Variants in SMAD4 observed in about 807,000 individuals in gnomAD.
The protein encoded by SMAD4 is SMAD family member 4, also known as MAD homolog 4.
A neutral mutation model predicts 63.2 loss-of-function variants in SMAD4; 7 were observed. That is an observed-to-expected ratio of 0.11 (90% CI 0.06 to 0.21). The LOEUF (loss-of-function observed/expected upper bound fraction) is 0.21, where lower values mean the gene tolerates loss of function less well. SMAD4 is among the 10% of genes least tolerant of loss of function. SMAD4 has a pLI of 1.00. For synonymous variants in SMAD4, 215 were observed against 235.4 expected (o/e 0.91, Z 0.79); for missense variants, 312 against 693.8 (o/e 0.45, Z 6.18).
rs369088915 is a variant in SMAD4 at position 51,059,888 on chromosome 18, A to C, written c.927A>C (p.Ala309=). The part of the protein sequence containing the change: ...GHYWPVHNEL[A]FQPPISNHPA... ...TAGGGCCTGTTCACAATGAGCTTGC[A>C]TTCCAGCCTCCCATTTCCAATCATC... The change falls in exon 8 of 12, where the codon GCA becomes GCC. Residue 309 remains alanine, a synonymous_variant. Coordinates refer to ENST00000342988, the MANE Select transcript of SMAD4 (RefSeq NM_005359.6). 6.2e-7 allele frequency: 1 copy of C among 1,613,370 alleles called. No individual in the cohort carries two copies. The highest frequency in any genetic ancestry group is 8.5e-7 in the Non-Finnish European group (1 of 1,179,420).
Position 51,082,716 on chromosome 18 carries a change from T to A in SMAD4, c.*4249T>A. On this transcript the variant is annotated 3_prime_UTR_variant, in exon 12 of 12. Transcript: ENST00000342988. ...TTTACTAAATGGTCTGAGACAGCTA[T>A]GGTTTTGAATTTTTAGTTTTTTTTT... 1 of 231,638 alleles carries A rather than the reference T, an allele frequency of 4.3e-6. No homozygotes were observed. Among genetic ancestry groups the A allele is most frequent in the East Asian group, 6.1e-5 (1 of 16,378 alleles). The allele number at this position is 231,638 out of a possible 1,614,324, so 14.3% of individuals were successfully genotyped here. A position where few individuals can be genotyped will look rare whatever the true frequency, so the allele number is the denominator to read the frequency against.
intron 1 of SMAD4, among the ~76,000 whole-genome samples, chr18:51,031,750 AT>A (rs1909057715): frequency 6.6e-6 from 1 of 151,874 alleles, no homozygotes; most frequent in South Asian, 2.1e-4. Flanking sequence ...AAAAAAAAAA[AT>A]GCGTAATTTC....
intron 7 of SMAD4, among the ~76,000 whole-genome samples, chr18:51,059,429 A>G (rs1909944613): frequency 6.6e-6 from 1 of 152,246 alleles, no homozygotes; most frequent in Non-Finnish European, 1.5e-5. Flanking sequence ...ACAGTGTTTT[A>G]ACACATTACC....
intron 1 of SMAD4, among the ~76,000 whole-genome samples, chr18:51,037,616 T>G (rs762412476): frequency 2.8e-4 from 42 of 152,232 alleles, no homozygotes; most frequent in Non-Finnish European, 4.8e-4. Flanking sequence ...TTTTTAATAG[T>G]GTGATTAAAT....
Position 51,083,215 on chromosome 18 carries a change from C to T in SMAD4, c.*4748C>T, listed in dbSNP as rs375580807. Reference sequence around the variant, plus strand: ...CCGTTGTCTGGAGGACACCAGCAAACAACACACAACAAAGCAAAACAAACC... The same window carrying T: ...CCGTTGTCTGGAGGACACCAGCAAATAACACACAACAAAGCAAAACAAACC... On this transcript the variant is annotated 3_prime_UTR_variant, in exon 12 of 12. Transcript: ENST00000342988. 1.2e-3 allele frequency: 284 copies of T among 227,244 alleles called. 1 individual carries two copies. Among genetic ancestry groups the T allele is most frequent in the African/African-American group, 6.1e-3 (274 of 45,140 alleles). The allele number at this position is 227,244 out of a possible 1,614,324, so 14.1% of individuals were successfully genotyped here.
At chr18:51,056,448 GT>G (rs1909845901) in intron 5 of SMAD4, among the ~76,000 whole-genome samples, 1 of 151,886 alleles carries the variant, frequency 6.6e-6, no homozygotes, top group Non-Finnish European at 1.5e-5. Context: ...AATACTGTAA[GT>G]TTTAGAACTT....
At chr18:51,042,353 G>C (rs1196056969) in intron 1 of SMAD4, among the ~76,000 whole-genome samples, 1 of 102,612 alleles carries the variant, frequency 9.7e-6, no homozygotes, top group African/African-American at 3.9e-5. Flanking sequence ...CTTTCTCTCT[G>C]TTTTCTTTCT....
At chr18:51,074,971 A>G (rs553617942) in intron 10 of SMAD4, among the ~76,000 whole-genome samples, 6 of 152,138 alleles carry the variant, frequency 3.9e-5, no homozygotes, top group Non-Finnish European at 5.9e-5. Flanking sequence ...GGGCCTCCCA[A>G]AGTGCTGGGA....
chr18:51,063,073 C>G (rs367832416), intron 8 of SMAD4, among the ~76,000 whole-genome samples: 1 of 151,232 alleles, frequency 6.6e-6, no homozygotes, highest in Non-Finnish European at 1.5e-5. Flanking sequence ...AGGCTGGTCT[C>G]GAACTCCTGA....
At chr18:51,047,580 T>C (rs796097584) in intron 2 of SMAD4, among the ~76,000 whole-genome samples, 6 of 151,990 alleles carry the variant, frequency 3.9e-5, no homozygotes, top group African/African-American at 1.2e-4. Flanking sequence ...CTTTAGCACT[T>C]TGGTATTCAT....
In SMAD4 at chr18:51,079,479, A is replaced by T. The variant is rs1910554443; in HGVS notation, c.*1012A>T. ...AATAATGGAAACATTACAGTTCATA[A>T]TAGGTAGTTTGGATATTTTTGTACT... On this transcript the variant is annotated 3_prime_UTR_variant, in exon 12 of 12. Coordinates refer to ENST00000342988, the MANE Select transcript of SMAD4 (RefSeq NM_005359.6). The T allele has an allele frequency of 4.3e-6, 1 of 233,324 alleles. No individual in the cohort carries two copies. The highest frequency in any genetic ancestry group is 2.2e-5 in the African/African-American group (1 of 45,344). 14.5% of individuals were successfully genotyped at this position (233,324 alleles called of 1,614,324 possible).
intron 4 of SMAD4, chr18:51,051,423 A>G (rs1303790949): frequency 1.3e-5 from 6 of 455,564 alleles, no homozygotes; most frequent in South Asian, 9.3e-5. Context: ...CAGGTAACTA[A>G]AAGTTAAGAA....
intron 1 of SMAD4, among the ~76,000 whole-genome samples, chr18:51,038,760 G>A (rs910909011): frequency 4.6e-5 from 7 of 152,130 alleles, no homozygotes; most frequent in Admixed American, 2.0e-4. Flanking sequence ...TTATATTAAC[G>A]TAATGGGTTT....
At chr18:51,039,230 A>T (rs1007656506) in intron 1 of SMAD4, among the ~76,000 whole-genome samples, 1 of 152,180 alleles carries the variant, frequency 6.6e-6, no homozygotes, top group Non-Finnish European at 1.5e-5. Context: ...TATGGTTTGT[A>T]CTATATTGCT....
At chr18:51,058,627 A>T (rs528725843) in intron 7 of SMAD4, among the ~76,000 whole-genome samples, 171 bp downstream of exon 7, 4 of 151,172 alleles carry the variant, frequency 2.6e-5, no homozygotes. Context: ...TAGTTATCCT[A>T]CCTTTTTATT....
In SMAD4 at chr18:51,078,191, G is replaced by T. The variant is rs1910516235; in HGVS notation, c.1448-65G>T. On this transcript the variant is annotated intron_variant, in intron 11 of 11. Transcript: ENST00000342988. ...GAAAGCTGGTCACTTGATTAATTTA[G>T]AATGTAGGGAGGATGGGAAGAGATC... 4 of 1,299,000 alleles carry T rather than the reference G, an allele frequency of 3.1e-6. No individual in the cohort carries two copies. The African/African-American group carries it at 5.8e-5, about 19-fold the overall frequency. The allele number at this position is 1,299,000 out of a possible 1,614,324, so 80.5% of individuals were successfully genotyped here.
Position 51,084,911 on chromosome 18 carries a change from A to T in SMAD4, c.*6444A>T, listed in dbSNP as rs1195658870. ...CTTTGGGGACAACTGGTCAGTTGAA[A>T]GTCCCAGGAGTTCCTTTGTGGCTTT... On this transcript the variant is annotated 3_prime_UTR_variant, in exon 12 of 12. Transcript: ENST00000342988. 2 of 221,242 alleles carry T rather than the reference A, an allele frequency of 9.0e-6. No individual in the cohort carries two copies. The highest frequency in any genetic ancestry group is 1.8e-5 in the Non-Finnish European group (2 of 110,608). 13.7% of individuals were successfully genotyped at this position (221,242 alleles called of 1,614,324 possible). A position where few individuals can be genotyped will look rare whatever the true frequency, so the allele number is the denominator to read the frequency against.
chr18:51,033,259 C>T (rs1909104108), intron 1 of SMAD4, among the ~76,000 whole-genome samples: 1 of 150,470 alleles, frequency 6.6e-6, no homozygotes, highest in Admixed American at 6.6e-5. Flanking sequence ...GCGCGATCTC[C>T]ACTCACTGCA....
intron 7 of SMAD4, among the ~76,000 whole-genome samples, chr18:51,059,600 A>G (rs922063522): frequency 1.3e-5 from 2 of 152,218 alleles, no homozygotes; most frequent in African/African-American, 4.8e-5. Context: ...TCTGTATTAA[A>G]TGTTGGATAT....
Sources: gnomAD v4.1 joint callset for allele counts (sites outside exome capture counted in the v4.1 genomes callset) on GRCh38, gnomAD v4.1.1 for gene constraint, MANE v1.5 for transcripts, NCBI Gene and HGNC (gene_info 2026-07-23, HGNC 2026-07-21) for gene names.